Variants in RBFOX1 observed in about 807,000 individuals in gnomAD.
RBFOX1 encodes the protein RNA binding protein fox-1 homolog 1.
Under a neutral mutation model 57.7 loss-of-function variants are expected in RBFOX1, and 8 were observed. The observed-to-expected ratio is 0.14, with a 90% confidence interval of 0.08 to 0.25. The LOEUF is 0.25. Among genes scored for constraint, RBFOX1 ranks in the 10% least tolerant of loss-of-function variants. RBFOX1 has a pLI of 1.00. For missense variants in RBFOX1, 611 were observed against 548.5 expected (o/e 1.11, Z -1.14); for synonymous variants, 326 against 222.4 (o/e 1.47, Z -4.15).
In RBFOX1 at chr16:5,485,345, C is replaced by CAAAAAAAAA. The variant is rs71142624; in HGVS notation, c.258+18106_258+18114dup. Among the ~76,000 whole-genome samples, 202 of 51,660 alleles carry CAAAAAAAAA rather than the reference C, an allele frequency of 3.9e-3. 25 individuals carry two copies. The highest frequency in any genetic ancestry group is 7.9e-3 in the African/African-American group (115 of 14,488). The allele number at this position is 51,660 out of a possible 152,430, so 33.9% of individuals were successfully genotyped here. A position where few individuals can be genotyped will look rare whatever the true frequency, so the allele number is the denominator to read the frequency against. On this transcript the variant is annotated intron_variant, in intron 2 of 2. Coordinates refer to the RBFOX1 transcript ENST00000585867. ...TGGGCGACAGAGCCAGACTCCGTGT[C>CAAAAAAAAA]AAAAAAAAAAAAAAAAAAAAAAAGT...
At chr16:7,318,759 T>G (rs1261835062) in intron 4 of RBFOX1, among the ~76,000 whole-genome samples, 1 of 152,172 alleles carries the variant, frequency 6.6e-6, no homozygotes. Flanking sequence ...AAGGCTGTCT[T>G]TGCCTTCTCT....
intron 2 of RBFOX1, among the ~76,000 whole-genome samples, chr16:6,617,171 C>G (rs752373750): frequency 6.6e-6 from 1 of 151,896 alleles, no homozygotes; most frequent in African/African-American, 2.4e-5. Context: ...ACTATAAGCA[C>G]TTGTCCACCT....
At chr16:6,613,442 C>G (rs184452155) in intron 2 of RBFOX1, among the ~76,000 whole-genome samples, 35 of 152,198 alleles carry the variant, frequency 2.3e-4, no homozygotes, top group African/African-American at 2.4e-4. Context: ...GTACGTGAAA[C>G]CCTTAGGCCC....
chr16:5,432,876 C>T (rs556650622), intron 1 of RBFOX1, among the ~76,000 whole-genome samples: 81 of 152,166 alleles, frequency 5.3e-4, no homozygotes, highest in Non-Finnish European at 1.0e-3. Context: ...AATTCCATCT[C>T]CCAGGTTCAG....
At chr16:6,378,828 T>C (rs1373594438) in intron 2 of RBFOX1, among the ~76,000 whole-genome samples, 2 of 152,196 alleles carry the variant, frequency 1.3e-5, no homozygotes, top group Admixed American at 6.5e-5. Flanking sequence ...AATGAATCTT[T>C]AGGAGGATTA....
chr16:6,432,501 A>T (rs1282131820), intron 2 of RBFOX1, among the ~76,000 whole-genome samples: 2 of 149,084 alleles, frequency 1.3e-5, no homozygotes, highest in Admixed American at 1.3e-4. Context: ...GTGTAACCTC[A>T]TCTTTACTAA....
intron 3 of RBFOX1, among the ~76,000 whole-genome samples, chr16:6,920,511 C>G (rs1443036729): frequency 6.6e-6 from 1 of 152,136 alleles, no homozygotes; most frequent in Non-Finnish European, 1.5e-5. Flanking sequence ...CTTGTAATTG[C>G]CAAGGGCTAC....
chr16:7,280,963 C>G (rs1005211761), intron 4 of RBFOX1, among the ~76,000 whole-genome samples: 2 of 93,836 alleles, frequency 2.1e-5, no homozygotes, highest in African/African-American at 4.8e-5. Flanking sequence ...CTACCTCCCT[C>G]CCTCCCTCCC....
In RBFOX1 at chr16:7,595,703, G is replaced by A. The variant is rs1015780638; in HGVS notation, c.561+62G>A. ...ATAAATGTCTGCTTCACGCTCATTCGTTGTTCCAGATGCATCATTGGCGTC... is the reference window on the plus strand; with the variant it reads ...ATAAATGTCTGCTTCACGCTCATTCATTGTTCCAGATGCATCATTGGCGTC... On this transcript the variant is annotated intron_variant, in intron 8 of 15. Coordinates refer to ENST00000550418, the MANE Select transcript of RBFOX1 (RefSeq NM_018723.4). 7.9e-6 allele frequency: 11 copies of A among 1,398,082 alleles called. No individual in the cohort carries two copies. In the African/African-American group the frequency reaches 1.1e-4, roughly 15 times the overall value. The allele number at this position is 1,398,082 out of a possible 1,614,324, so 86.6% of individuals were successfully genotyped here. A position where few individuals can be genotyped will look rare whatever the true frequency, so the allele number is the denominator to read the frequency against.
chr16:5,444,785 T>C (rs2068191517), intron 1 of RBFOX1, among the ~76,000 whole-genome samples: 1 of 152,236 alleles, frequency 6.6e-6, no homozygotes, highest in Non-Finnish European at 1.5e-5. Context: ...CATCTAACAA[T>C]GGCCCTGTGA....
At chr16:6,497,760 T>G (rs1454047083) in intron 2 of RBFOX1, among the ~76,000 whole-genome samples, 2 of 151,890 alleles carry the variant, frequency 1.3e-5, no homozygotes. Flanking sequence ...TTTCACCATA[T>G]TAGCCAGGCT....
chr16:6,500,081 C>T (rs1413032662), intron 2 of RBFOX1, among the ~76,000 whole-genome samples: 2 of 152,060 alleles, frequency 1.3e-5, no homozygotes, highest in African/African-American at 2.4e-5. Context: ...GATGTCATTT[C>T]CTTTGGTTAA....
chr16:7,018,102 G>C (rs2094006080), intron 3 of RBFOX1, among the ~76,000 whole-genome samples: 5 of 152,066 alleles, frequency 3.3e-5, no homozygotes, highest in Admixed American at 2.0e-4. Flanking sequence ...TTTTCTCTCT[G>C]TGGAGCATCT....
intron 4 of RBFOX1, among the ~76,000 whole-genome samples, chr16:7,423,484 G>C (rs536201761): frequency 5.3e-5 from 8 of 152,218 alleles, no homozygotes; most frequent in African/African-American, 1.9e-4. Context: ...GGGAGATTTG[G>C]AAGGCTTTGG....
intron 1 of RBFOX1, among the ~76,000 whole-genome samples, chr16:5,259,829 A>T (rs2062688426): frequency 6.6e-6 from 1 of 152,122 alleles, no homozygotes; most frequent in Admixed American, 6.5e-5. Flanking sequence ...ATTGAACTCA[A>T]GTTTTCACTC....
At chr16:7,338,747 T>G (rs1011004457) in intron 4 of RBFOX1, among the ~76,000 whole-genome samples, 3 of 152,160 alleles carry the variant, frequency 2.0e-5, no homozygotes, top group Non-Finnish European at 4.4e-5. Flanking sequence ...GGACAGAGAG[T>G]AACCATCCTT....
intron 1 of RBFOX1, among the ~76,000 whole-genome samples, chr16:6,291,250 C>G (rs539982684): frequency 6.6e-6 from 1 of 152,270 alleles, no homozygotes; most frequent in African/African-American, 2.4e-5. Context: ...CCTTAACCAT[C>G]TGGGAATGCA....
intron 1 of RBFOX1, among the ~76,000 whole-genome samples, chr16:6,235,531 A>G (rs1328772841): frequency 6.8e-6 from 1 of 147,878 alleles, no homozygotes; most frequent in Admixed American, 6.9e-5. Flanking sequence ...TGGATAAAGA[A>G]ACTGTGGTGT....
chr16:7,467,264 G>C (rs773983478), intron 4 of RBFOX1, among the ~76,000 whole-genome samples: 3 of 152,104 alleles, frequency 2.0e-5, no homozygotes, highest in Non-Finnish European at 4.4e-5. Context: ...CTCTCAATAG[G>C]GAACAAGTGC....
Sources: allele counts gnomAD v4.1 joint callset (sites outside exome capture counted in the v4.1 genomes callset), GRCh38; gene constraint gnomAD v4.1.1; transcripts MANE v1.5; gene names NCBI Gene and HGNC (gene_info 2026-07-23, HGNC 2026-07-21).